The following SEMA6D variants were observed in gnomAD, a reference collection of about 807,000 sequenced individuals.
SEMA6D encodes semaphorin 6D.
SEMA6D carries 35 observed loss-of-function variants against 106.6 expected under a neutral mutation model. That is an observed-to-expected ratio of 0.33 (90% confidence interval 0.25 to 0.44). SEMA6D has a LOEUF of 0.44. SEMA6D is among the 20% of genes least tolerant of loss of function. SEMA6D has a pLI of 1.00. For missense variants in SEMA6D, 1,185 were observed against 1,345.9 expected (o/e 0.88, Z 1.87); for synonymous variants, 499 against 487.7 (o/e 1.02, Z -0.31).
chr15:47,725,048 T>G (rs2079651151), intron 1 of SEMA6D, among the ~76,000 whole-genome samples: 2 of 152,200 alleles, frequency 1.3e-5, no homozygotes, highest in Admixed American at 6.5e-5. Flanking sequence ...TGAAAAGGCT[T>G]TAGATGTAGA....
At chr15:47,526,045 GT>G (rs2044745368) in intron 3 of SEMA6D, among the ~76,000 whole-genome samples, 1 of 152,162 alleles carries the variant, frequency 6.6e-6, no homozygotes. Flanking sequence ...TTTAGGAAGT[GT>G]AAAAAAGAGA....
At chr15:47,607,050 C>A (rs2076795684) in intron 4 of SEMA6D, among the ~76,000 whole-genome samples, 1 of 152,038 alleles carries the variant, frequency 6.6e-6, no homozygotes, top group South Asian at 2.1e-4. Flanking sequence ...AAATTAGAAA[C>A]TAGCCTAAGA....
intron 1 of SEMA6D, among the ~76,000 whole-genome samples, chr15:47,227,910 T>TATATATATTTTATATATATAAGAATC (rs2031865184): frequency 2.8e-5 from 4 of 140,558 alleles, no homozygotes; most frequent in African/African-American, 5.0e-5. Context: ...ATAAGAATCT[T>TATATATATTTTATATATATAAGAATC]ATATATATTT....
At chr15:47,346,149 C>G (rs1417990201) in intron 1 of SEMA6D, among the ~76,000 whole-genome samples, 1 of 152,142 alleles carries the variant, frequency 6.6e-6, no homozygotes, top group East Asian at 1.9e-4. Context: ...TTTAAAAATT[C>G]TGGTTTTGCT....
chr15:47,429,582 C>G (rs536750562), intron 2 of SEMA6D, among the ~76,000 whole-genome samples: 1 of 152,190 alleles, frequency 6.6e-6, no homozygotes, highest in East Asian at 1.9e-4. Context: ...CAAAATTATG[C>G]ATTGACCATA....
intron 3 of SEMA6D, among the ~76,000 whole-genome samples, chr15:47,494,420 C>G (rs2043571175): frequency 6.6e-6 from 1 of 151,848 alleles, no homozygotes; most frequent in South Asian, 2.1e-4. Flanking sequence ...AAAAGGAGTT[C>G]TAGATGTCCT....
chr15:47,262,295 A>T (rs2034111962), intron 1 of SEMA6D, among the ~76,000 whole-genome samples: 2 of 152,158 alleles, frequency 1.3e-5, no homozygotes, highest in South Asian at 4.1e-4. Flanking sequence ...TATGCCTATT[A>T]AACTATCTAT....
chr15:47,402,254 G>A (rs2040424262), intron 1 of SEMA6D, among the ~76,000 whole-genome samples: 1 of 152,170 alleles, frequency 6.6e-6, no homozygotes, highest in Admixed American at 6.5e-5. Context: ...TAGAGTCAAA[G>A]CTGGAGCAGC....
chr15:47,600,460 T>G (rs556902896), intron 3 of SEMA6D, among the ~76,000 whole-genome samples: 2 of 152,232 alleles, frequency 1.3e-5, no homozygotes, highest in Non-Finnish European at 2.9e-5. Flanking sequence ...CCCAAACAAA[T>G]GTTTCTCTTA....
At chr15:47,445,541 T>C (rs1460107881) in intron 2 of SEMA6D, among the ~76,000 whole-genome samples, 1 of 152,070 alleles carries the variant, frequency 6.6e-6, no homozygotes, top group Non-Finnish European at 1.5e-5. Flanking sequence ...CTGATAATTA[T>C]GGTGTATATC....
intron 4 of SEMA6D, chr15:47,606,183 A>C (rs1336683503): frequency 6.6e-6 from 1 of 152,172 alleles, no homozygotes; most frequent in Admixed American, 6.5e-5. Context: ...GGCCAGTTAG[A>C]GCTGGCAGAG....
chr15:47,292,661 A>G (rs1272803849), intron 1 of SEMA6D, among the ~76,000 whole-genome samples: 2 of 152,176 alleles, frequency 1.3e-5, no homozygotes, highest in Non-Finnish European at 2.9e-5. Context: ...ACACAGACAA[A>G]TAAACGTGAT....
chr15:47,308,552 A>G (rs2036318614), intron 1 of SEMA6D, among the ~76,000 whole-genome samples: 1 of 152,216 alleles, frequency 6.6e-6, no homozygotes, highest in South Asian at 2.1e-4. Flanking sequence ...GAATCCCGTA[A>G]GACACAGATA....
intron 4 of SEMA6D, among the ~76,000 whole-genome samples, chr15:47,700,131 A>G (rs1407013886): frequency 2.0e-5 from 3 of 152,068 alleles, no homozygotes; most frequent in Non-Finnish European, 2.9e-5. Flanking sequence ...TAAATCAAAA[A>G]GGAACTAAAT....
At chr15:47,580,622 A>G (rs552270961) in intron 3 of SEMA6D, among the ~76,000 whole-genome samples, 11 of 152,350 alleles carry the variant, frequency 7.2e-5, no homozygotes, top group Admixed American at 7.2e-4. Flanking sequence ...ATGTCGAAAA[A>G]AAAACCCATT....
At chr15:47,670,665 T>C (rs1028206728) in intron 4 of SEMA6D, among the ~76,000 whole-genome samples, 1 of 152,142 alleles carries the variant, frequency 6.6e-6, no homozygotes, top group Non-Finnish European at 1.5e-5. Context: ...CAAAAGGAAT[T>C]TCCAGTGCCT....
intron 3 of SEMA6D, chr15:47,525,495 T>G (rs2044724179): frequency 6.6e-6 from 1 of 152,382 alleles, no homozygotes; most frequent in Non-Finnish European, 1.5e-5. Context: ...TTTCCTTCTC[T>G]TTCTCATTGT....
chr15:47,725,818 G>GCCAAGAATTGCTCCT (rs752240395), intron 1 of SEMA6D, among the ~76,000 whole-genome samples: 9 of 80,262 alleles, frequency 1.1e-4, no homozygotes, highest in Non-Finnish European at 2.8e-4. Context: ...CAATTGCTTT[G>GCCAAGAATTGCTCCT]CCAAGAATTG....
chr15:47,337,068 T>C (rs1247751904), intron 1 of SEMA6D, among the ~76,000 whole-genome samples: 1 of 152,108 alleles, frequency 6.6e-6, no homozygotes, highest in Non-Finnish European at 1.5e-5. Context: ...AAATCTGGCC[T>C]ATTTAAAGGA....
Sources: gnomAD v4.1 joint callset for allele counts (sites outside exome capture counted in the v4.1 genomes callset) on GRCh38, gnomAD v4.1.1 for gene constraint, MANE v1.5 for transcripts, NCBI Gene and HGNC (gene_info 2026-07-23, HGNC 2026-07-21) for gene names.